Variants in IGSF23 observed in about 807,000 individuals in gnomAD.
IGSF23 encodes the protein immunoglobulin superfamily member 23.
IGSF23 carries 14 observed loss-of-function variants against 17.8 expected under a neutral mutation model. The observed-to-expected ratio is 0.79, with a 90% CI of 0.52 to 1.23. The LOEUF (loss-of-function observed/expected upper bound fraction) is 1.23. Among genes scored for constraint, IGSF23 ranks in the 50% most tolerant of loss-of-function variants. The pLI is 0.00. For synonymous variants in IGSF23, 85 were observed against 92.5 expected, an observed-to-expected ratio of 0.92 and a Z score of 0.46; for missense variants, 214 against 241.7, an observed-to-expected ratio of 0.89 and a Z score of 0.76.
intron 2 of IGSF23, among the ~76,000 whole-genome samples, 190 bp downstream of exon 2, chr19:44,624,162 T>C (rs1972585102): frequency 6.6e-6 from 1 of 152,088 alleles, no homozygotes; most frequent in Non-Finnish European, 1.5e-5. Flanking sequence ...ACTTTCTTCT[T>C]CTTTCTTCTT....
chr19:44,631,348 G>T (rs1972762101), intron 3 of IGSF23, among the ~76,000 whole-genome samples: 2 of 152,326 alleles, frequency 1.3e-5, no homozygotes, highest in South Asian at 4.1e-4. Context: ...AGCACTTTGG[G>T]AGGCCGAGGC....
At chr19:44,616,345 C>T (rs551862244) in intron 1 of IGSF23, among the ~76,000 whole-genome samples, 6 of 152,216 alleles carry the variant, frequency 3.9e-5, no homozygotes, top group African/African-American at 1.2e-4. Context: ...GAGGAGCAGA[C>T]GTTGTTTTTT....
At chr19:44,628,345 C>T (rs1294191073) in intron 3 of IGSF23, among the ~76,000 whole-genome samples, 1 of 152,180 alleles carries the variant, frequency 6.6e-6, no homozygotes, top group Non-Finnish European at 1.5e-5. Context: ...CTGTGCCAGG[C>T]ACTGAGGATA....
intron 2 of IGSF23, among the ~76,000 whole-genome samples, chr19:44,625,675 T>C (rs549880662): frequency 3.9e-4 from 60 of 152,148 alleles, no homozygotes; most frequent in Non-Finnish European, 7.1e-4. Context: ...ATGGTGAATA[T>C]TGTTTTTAGT....
chr19:44,613,842 G>A (rs751736769), intron 1 of IGSF23, 72 bp downstream of exon 1: 3 of 1,547,220 alleles, frequency 1.9e-6, no homozygotes, highest in Non-Finnish European at 2.6e-6. Flanking sequence ...GTGAGGCCGG[G>A]GCTGCAGACG....
At chr19:44,627,911 G>T (rs895445174) in intron 3 of IGSF23, among the ~76,000 whole-genome samples, 1 of 150,890 alleles carries the variant, frequency 6.6e-6, no homozygotes, top group Non-Finnish European at 1.5e-5. Context: ...TCTCTGGGTT[G>T]TTGGGTTGGG....
chr19:44,620,261 G>A (rs1026836901), intron 1 of IGSF23, among the ~76,000 whole-genome samples: 2 of 151,984 alleles, frequency 1.3e-5, no homozygotes, highest in African/African-American at 2.4e-5. Context: ...TCTGCACAGA[G>A]GGGTTTTTAC....
intron 3 of IGSF23, 54 bp from the exon 4 acceptor site, chr19:44,635,347 A>C (rs1485701515): frequency 4.9e-6 from 6 of 1,214,214 alleles, no homozygotes; most frequent in East Asian, 2.6e-5. Context: ...GATGATTCTT[A>C]TTCTCTCTCT....
At chr19:44,628,717 C>T (rs960862264) in intron 3 of IGSF23, among the ~76,000 whole-genome samples, 17 of 152,148 alleles carry the variant, frequency 1.1e-4, no homozygotes, top group African/African-American at 3.9e-4. Context: ...CATGCCACTG[C>T]ACTCCACACT....
At chr19:44,623,600 G>A (rs1231538702) in intron 1 of IGSF23, 107 bp from the exon 2 acceptor site, 6 of 1,147,134 alleles carry the variant, frequency 5.2e-6, no homozygotes, top group Non-Finnish European at 7.5e-6. Flanking sequence ...ATTAATGAAT[G>A]AATGAACACA....
At position 44,627,420 on chromosome 19, in the gene IGSF23, A is replaced by T. The variant is rs1410424039; in HGVS notation, c.392A>T (p.Lys131Ile). 1 of 1,534,248 alleles carries T rather than the reference A, an allele frequency of 6.5e-7. No individual in the cohort carries two copies. The highest frequency in any genetic ancestry group is 1.4e-5 in the African/African-American group (1 of 72,906). The change falls in exon 3 of 5, where the codon AAA becomes ATA. Residue 131 changes from lysine (K) to isoleucine (I), a missense_variant and splice_region_variant. Lys to Ile is a moderately radical substitution (Grantham distance 102, BLOSUM62 -3). Transcript: ENST00000402988. ...VSEPVTISLP[K>I]PIMQPTEAEP... ...AATCTCACCCCTCCTTGGTCCCCAG[A>T]ACCCATCATGCAGCCCACAGAAGCA...
chr19:44,625,576 T>C (rs750259495), intron 2 of IGSF23, among the ~76,000 whole-genome samples: 2 of 152,192 alleles, frequency 1.3e-5, no homozygotes, highest in Non-Finnish European at 2.9e-5. Context: ...TATATACCTC[T>C]TCAGGGTTGT....
chr19:44,622,463 C>T (rs568568819), intron 1 of IGSF23, among the ~76,000 whole-genome samples: 1 of 152,178 alleles, frequency 6.6e-6, no homozygotes, highest in Non-Finnish European at 1.5e-5. Context: ...GACCACGAAG[C>T]CTGGCCCTAA....
intron 4 of IGSF23, among the ~76,000 whole-genome samples, chr19:44,635,983 G>A (rs1274997522): frequency 1.3e-5 from 2 of 152,170 alleles, no homozygotes; most frequent in Non-Finnish European, 2.9e-5. Context: ...TTGACAGATT[G>A]CCCAGGGGCT....
chr19:44,635,336 C>T (rs1197216378), intron 3 of IGSF23, 65 bp from the exon 4 acceptor site: 24 of 1,261,232 alleles, frequency 1.9e-5, no homozygotes, highest in South Asian at 7.8e-5. Flanking sequence ...ATAATTCAGT[C>T]GATGATTCTT....
At chr19:44,625,151 C>T (rs1972616883) in intron 2 of IGSF23, among the ~76,000 whole-genome samples, 2 of 152,070 alleles carry the variant, frequency 1.3e-5, no homozygotes, top group Admixed American at 1.3e-4. Flanking sequence ...TGACTCTGAG[C>T]CAGTGCCTTG....
chr19:44,627,719 A>G lies in IGSF23; in HGVS notation c.545+146A>G, dbSNP rs1972685315. 4.5e-6 allele frequency: 4 copies of G among 893,712 alleles called. No homozygotes were observed. The African/African-American group carries it at 6.7e-5, about 15-fold the overall frequency. The allele number at this position is 893,712 out of a possible 1,614,324, so 55.4% of individuals were successfully genotyped here. A position where few individuals can be genotyped will look rare whatever the true frequency, so the allele number is the denominator to read the frequency against. On this transcript the variant is annotated intron_variant, in intron 3 of 4. Coordinates refer to ENST00000402988, the MANE Select transcript of IGSF23 (RefSeq NM_001205280.2). ...GACTCCTGAGGAGCCCATCTGACTCACTGGTTTCCAAAATGGGATCACAGC... is the reference window on the plus strand; with the variant it reads ...GACTCCTGAGGAGCCCATCTGACTCGCTGGTTTCCAAAATGGGATCACAGC...
chr19:44,629,094 G>A (rs1032589894), intron 3 of IGSF23, among the ~76,000 whole-genome samples: 1 of 152,186 alleles, frequency 6.6e-6, no homozygotes, highest in East Asian at 1.9e-4. Flanking sequence ...GAGTAGGGAG[G>A]CAGGGGAAGG....
rs139489457 is a variant in IGSF23 at position 44,617,912 on chromosome 19, G to C, written c.125+4142G>C. Among the ~76,000 whole-genome samples, 280 of 152,254 alleles carry C rather than the reference G, an allele frequency of 1.8e-3. 1 individual carries two copies. Among genetic ancestry groups the C allele is most frequent in the African/African-American group, 6.5e-3 (268 of 41,542 alleles). On this transcript the variant is annotated intron_variant, in intron 1 of 4. Transcript: ENST00000402988. ...AACCAACCAGCAGCAAAAGGTAAGG[G>C]GACCCCAACAACACAGCTCAGAGAA...
Sources: allele counts gnomAD v4.1 joint callset (sites outside exome capture counted in the v4.1 genomes callset), GRCh38; gene constraint gnomAD v4.1.1; transcripts MANE v1.5; gene names NCBI Gene and HGNC (gene_info 2026-07-23, HGNC 2026-07-21).